Variants in GRM7 observed in about 807,000 individuals in gnomAD.
GRM7 encodes the protein glutamate metabotropic receptor 7.
In GRM7, 35 loss-of-function variants were observed where a neutral mutation model predicts 84.5. The ratio of observed to expected loss-of-function variants is 0.41; its 90% CI spans 0.32 to 0.55. The LOEUF is 0.55. Ranked by LOEUF, GRM7 falls within the 20% of genes least tolerant of loss-of-function variation. GRM7 has a pLI of 0.19. For missense variants in GRM7, 1,003 were observed against 1,194.6 expected (o/e 0.84, Z 2.36); for synonymous variants, 487 against 455.1 (o/e 1.07, Z -0.89).
intron 8 of GRM7, among the ~76,000 whole-genome samples, chr3:7,650,147 A>C (rs181473832): frequency 4.7e-4 from 71 of 152,322 alleles, no homozygotes; most frequent in Admixed American, 6.5e-4. Flanking sequence ...AAATGACTTA[A>C]TGATGTTTCG....
rs752627994 is a variant in GRM7, at chr3:7,359,885, G to T, written c.1033+53233G>T. ...TCGGTCATTTCATTTTAGGAATTGG[G>T]TCTCAAACAGATTGTTCTTGAGGTT... On this transcript the variant is annotated intron_variant, in intron 4 of 9. Coordinates refer to ENST00000357716, the MANE Select transcript of GRM7 (RefSeq NM_000844.4). Among the ~76,000 whole-genome samples, 48 of 148,188 alleles carry T rather than the reference G, an allele frequency of 3.2e-4. 2 individuals carry two copies. The highest frequency in any genetic ancestry group is 6.1e-4 in the Non-Finnish European group (41 of 67,370).
intron 8 of GRM7, among the ~76,000 whole-genome samples, chr3:7,599,051 T>C (rs1696184594): frequency 6.6e-6 from 1 of 152,142 alleles, no homozygotes; most frequent in Non-Finnish European, 1.5e-5. Context: ...GTAGAAATGA[T>C]GTAGTTAAGC....
Position 7,016,418 on chromosome 3 carries a change from T to C in GRM7, c.520-130034T>C, listed in dbSNP as rs115978167. 5.8e-3 allele frequency among the ~76,000 whole-genome samples: 886 copies of C among 152,228 alleles called. 7 individuals carry two copies. The highest frequency in any genetic ancestry group is 0.02 in the African/African-American group (821 of 41,540). On this transcript the variant is annotated intron_variant, in intron 1 of 9. Transcript: ENST00000357716. ...GGGGTTTATATAGCTAGAGAGGTGA[T>C]GTAGCTGCGTGCAGGGGAAACAGAA...
chr3:7,044,209 A>G (rs544091102), intron 1 of GRM7, among the ~76,000 whole-genome samples: 1 of 152,328 alleles, frequency 6.6e-6, no homozygotes, highest in South Asian at 2.1e-4. Flanking sequence ...CCATGAATCA[A>G]TATTTTGCAG....
chr3:6,869,285 T>C (rs1695035938), intron 1 of GRM7, among the ~76,000 whole-genome samples: 1 of 152,154 alleles, frequency 6.6e-6, no homozygotes, highest in Non-Finnish European at 1.5e-5. Flanking sequence ...CCAATTTTCT[T>C]ATCTTTGGAA....
chr3:7,083,230 T>C (rs988448834), intron 1 of GRM7, among the ~76,000 whole-genome samples: 1 of 152,092 alleles, frequency 6.6e-6, no homozygotes, highest in East Asian at 1.9e-4. Flanking sequence ...ACCACCCTGA[T>C]TAGTCAGCAG....
chr3:7,364,111 T>C (rs1446839027), intron 4 of GRM7, among the ~76,000 whole-genome samples: 1 of 152,060 alleles, frequency 6.6e-6, no homozygotes, highest in Non-Finnish European at 1.5e-5. Context: ...TGTATTAAAA[T>C]GTTCTACCTT....
intron 4 of GRM7, among the ~76,000 whole-genome samples, chr3:7,405,559 C>T (rs76168013): frequency 0.016 from 2,376 of 152,006 alleles, 68 homozygotes; most frequent in African/African-American, 0.055. Context: ...ATACCTACTT[C>T]GGATAGTTAT....
intron 8 of GRM7, among the ~76,000 whole-genome samples, chr3:7,622,785 G>A (rs1697421641): frequency 6.6e-6 from 1 of 152,102 alleles, no homozygotes. Context: ...GGGATGTAAA[G>A]TGAAAGAGAG....
chr3:7,363,107 G>A (rs546002268), intron 4 of GRM7, among the ~76,000 whole-genome samples: 1 of 151,934 alleles, frequency 6.6e-6, no homozygotes, highest in East Asian at 1.9e-4. Context: ...CTGGGCTATA[G>A]AGTAAGACTC....
chr3:7,716,116 G>A (rs1473163124), intron 9 of GRM7, among the ~76,000 whole-genome samples: 1 of 152,138 alleles, frequency 6.6e-6, no homozygotes, highest in African/African-American at 2.4e-5. Context: ...TAATTCAAAG[G>A]TCTGGAGCTT....
chr3:7,251,993 G>C (rs1175574330), intron 2 of GRM7, among the ~76,000 whole-genome samples: 1 of 152,158 alleles, frequency 6.6e-6, no homozygotes, highest in East Asian at 1.9e-4. Flanking sequence ...AATATTTAAA[G>C]TGGGGATTGG....
chr3:7,646,903 G>C (rs1298637755), intron 8 of GRM7, among the ~76,000 whole-genome samples: 1 of 152,156 alleles, frequency 6.6e-6, no homozygotes, highest in Non-Finnish European at 1.5e-5. Flanking sequence ...GTATTCTGGA[G>C]GTCATTCTCA....
chr3:7,665,375 C>T (rs1299083076), intron 8 of GRM7, among the ~76,000 whole-genome samples: 4 of 151,896 alleles, frequency 2.6e-5, no homozygotes, highest in African/African-American at 7.3e-5. Flanking sequence ...CGGGGTTTCA[C>T]CGTGTTAGCC....
chr3:7,077,974 GC>G (rs1342530390), intron 1 of GRM7, among the ~76,000 whole-genome samples: 1 of 149,726 alleles, frequency 6.7e-6, no homozygotes, highest in Non-Finnish European at 1.5e-5. Context: ...GGCTTTGCTG[GC>G]CACACTGTTT....
intron 7 of GRM7, among the ~76,000 whole-genome samples, chr3:7,522,692 A>G (rs1700641743): frequency 6.6e-6 from 1 of 152,208 alleles, no homozygotes; most frequent in Non-Finnish European, 1.5e-5. Flanking sequence ...GAATTAAGTA[A>G]CATGTCAAGA....
At chr3:7,145,179 G>A (rs975590565) in intron 1 of GRM7, among the ~76,000 whole-genome samples, 1 of 152,078 alleles carries the variant, frequency 6.6e-6, no homozygotes, top group Non-Finnish European at 1.5e-5. Context: ...GAGCTACACT[G>A]GACTTTTGGG....
At chr3:7,696,768 G>C (rs1431991964) in intron 9 of GRM7, among the ~76,000 whole-genome samples, 1 of 152,158 alleles carries the variant, frequency 6.6e-6, no homozygotes, top group African/African-American at 2.4e-5. Context: ...AACAGTACAG[G>C]CAAAGGACTG....
Position 6,863,179 on chromosome 3 carries a change from C to T in GRM7, c.519+1272C>T, listed in dbSNP as rs866508540. ...CTTTTCAATCTCTCCCTCCTTTCCT[C>T]CTCTGTCTTCACTCCCAAGTTCTTG... On this transcript the variant is annotated intron_variant, in intron 1 of 9. Transcript: ENST00000357716. The surrounding 1 kb of genome is among the most constrained non-coding windows in gnomAD (Gnocchi z 4.8). Among the ~76,000 whole-genome samples the T allele has an allele frequency of 6.6e-6, 1 of 151,766 alleles. No homozygotes were observed. The highest frequency in any genetic ancestry group is 1.5e-5 in the Non-Finnish European group (1 of 67,954).
Sources: gnomAD v4.1 joint callset for allele counts (sites outside exome capture counted in the v4.1 genomes callset) on GRCh38, gnomAD v4.1.1 for gene constraint, Gnocchi (gnomAD v3.1) non-coding constraint, MANE v1.5 for transcripts, NCBI Gene and HGNC (gene_info 2026-07-23, HGNC 2026-07-21) for gene names.